NRBP2: variants seen among roughly 807,000 people sequenced by gnomAD.
NRBP2 encodes the protein nuclear receptor-binding protein 2.
Under a neutral mutation model 74.4 loss-of-function variants are expected in NRBP2, and 47 were observed. The observed-to-expected ratio is 0.63, with a 90% CI of 0.50 to 0.81. NRBP2 has a LOEUF of 0.81. Among genes scored for constraint, NRBP2 ranks in the 30% least tolerant of loss-of-function variants. The pLI is 0.00. For synonymous variants in NRBP2, 312 were observed against 273.8 expected (o/e 1.14, Z -1.38); for missense variants, 613 against 690.1 (o/e 0.89, Z 1.25).
At chr8:143,838,028 A>T (rs1671900265) in intron 10 of NRBP2, 5 of 678,846 alleles carry the variant, frequency 7.4e-6, no homozygotes, top group Non-Finnish European at 5.4e-6. Context: ...TCCTAAAGTC[A>T]CACCTGCAAG....
At chr8:143,836,959 C>T in intron 14 of NRBP2, 80 bp downstream of exon 14, 1 of 1,500,926 alleles carries the variant, frequency 6.7e-7, no homozygotes, top group Non-Finnish European at 9.1e-7. Context: ...GATGCAGGCC[C>T]TAAGAGAAGG....
In NRBP2 at chr8:143,840,489, T is replaced by C. The variant is rs1818645785; in HGVS notation, c.129+217A>G. On this transcript the variant is annotated intron_variant, in intron 1 of 17. Transcript: ENST00000442628. The surrounding 1 kb of genome is among the most constrained non-coding windows in gnomAD (Gnocchi z 5.7). The stretch of plus-strand genomic sequence containing the variant: ...AAGCTAGCGGCTGAGTCCAGAGGCA[T>C]GGGGAGGTGGTCCTGGGAGGAGACT... The C allele has an allele frequency of 1.5e-6, 1 of 653,956 alleles. No individual in the cohort carries two copies. Among genetic ancestry groups the C allele is most frequent in the Non-Finnish European group, 2.6e-6 (1 of 391,190 alleles). The allele number at this position is 653,956 out of a possible 1,614,324, so 40.5% of individuals were successfully genotyped here.
chr8:143,840,537 G>A lies in NRBP2; in HGVS notation c.129+169C>T, dbSNP rs1302035248. 1.4e-6 allele frequency: 1 copy of A among 718,898 alleles called. No homozygotes were observed. The highest frequency in any genetic ancestry group is 2.2e-6 in the Non-Finnish European group (1 of 455,794). 44.5% of individuals were successfully genotyped at this position (718,898 alleles called of 1,614,324 possible). ...ACTGGCCCTCAGGGAGTCCCAGGGC[G>A]AGCGCCAGGCCAAAGGGGTCCAGGG... On this transcript the variant is annotated intron_variant, in intron 1 of 17. Transcript: ENST00000442628. This position sits in a 1 kb window ranked among gnomAD's most constrained non-coding sequence, Gnocchi z 5.7.
rs909825683 is a variant in NRBP2 at position 143,835,296 on chromosome 8, C to T, written c.*366G>A. 2.2e-5 allele frequency: 8 copies of T among 367,268 alleles called. No individual in the cohort carries two copies. Among genetic ancestry groups the T allele is most frequent in the Non-Finnish European group, 4.1e-5 (8 of 196,856 alleles). The allele number at this position is 367,268 out of a possible 1,614,324, so 22.8% of individuals were successfully genotyped here. Reference sequence around the variant, plus strand: ...GAGGTCTGTCCAGGGCTGACCCTCACCCCCAAGCCCCAGAGCTGGGGTTCC... The same window carrying T: ...GAGGTCTGTCCAGGGCTGACCCTCATCCCCAAGCCCCAGAGCTGGGGTTCC... On this transcript the variant is annotated 3_prime_UTR_variant, in exon 18 of 18. Transcript: ENST00000442628. This position sits in a 1 kb window ranked among gnomAD's most constrained non-coding sequence, Gnocchi z 4.9.
chr8:143,832,245 A>T (rs1818191114), downstream of NRBP2, among the ~76,000 whole-genome samples: 1 of 150,654 alleles, frequency 6.6e-6, no homozygotes, highest in Non-Finnish European at 1.5e-5. Flanking sequence ...AGTCATCACC[A>T]CTCCCTAATC....
intron 8 of NRBP2, 34 bp from the exon 9 acceptor site, chr8:143,838,972 G>A (rs781875622): frequency 2.5e-6 from 4 of 1,576,564 alleles, no homozygotes; most frequent in Admixed American, 1.8e-5. Flanking sequence ...ACGTAGGAGA[G>A]AAGCGCAGGG....
Position 143,835,392 on chromosome 8 carries a change from C to T in NRBP2, c.*270G>A, listed in dbSNP as rs1002395894. The T allele has an allele frequency of 9.9e-5, 56 of 566,158 alleles. No homozygotes were observed. The highest frequency in any genetic ancestry group is 1.3e-4 in the Non-Finnish European group (43 of 319,438). 35.1% of individuals were successfully genotyped at this position (566,158 alleles called of 1,614,324 possible). On this transcript the variant is annotated 3_prime_UTR_variant, in exon 18 of 18. Transcript: ENST00000442628. The surrounding 1 kb of genome is among the most constrained non-coding windows in gnomAD (Gnocchi z 4.9). ...AGGCAGCCTGGGTAGGAACTCAGGG[C>T]GGAGAATGGAGGATATGGGAAGGGG... is the stretch of plus-strand genomic sequence containing the variant.
chr8:143,840,683 C>CG lies in NRBP2; in HGVS notation c.129+22dup, dbSNP rs782239951. 6.8e-7 allele frequency: 1 copy of CG among 1,467,222 alleles called. No homozygotes were observed. The highest frequency in any genetic ancestry group is 1.3e-5 in the South Asian group (1 of 76,366). The allele number at this position is 1,467,222 out of a possible 1,614,324, so 90.9% of individuals were successfully genotyped here. On this transcript the variant is annotated intron_variant, in intron 1 of 17. Transcript: ENST00000442628. This position sits in a 1 kb window ranked among gnomAD's most constrained non-coding sequence, Gnocchi z 5.7. ...CCGCTCTGGGAGGGCGGTGTCACCCCGTGCCCCAACCCCCGCGCCCACCTG... is the reference window on the plus strand; with the variant it reads ...CCGCTCTGGGAGGGCGGTGTCACCCCGGTGCCCCAACCCCCGCGCCCACCTG...
rs782534837 is a variant in NRBP2 at position 143,838,744 on chromosome 8, T to A, written c.776A>T (p.Asp259Val). 3 of 1,613,194 alleles carry A rather than the reference T, an allele frequency of 1.9e-6. No individual in the cohort carries two copies. The highest frequency in any genetic ancestry group is 2.5e-6 in the Non-Finnish European group (3 of 1,179,702). ...AATGGCCTCCTCTGTGACCCGGGTG[T>A]CCCCATTGGTCTGGATTTCCAGTAC... ...MAVLEIQTNG[D>V]TRVTEEAIAR... Residue 259 changes from aspartate to valine, a missense_variant, in exon 10 of 18, where the codon GAC becomes GTC. Physicochemically the swap from Asp to Val is radical, Grantham distance 152 (BLOSUM62 -3). Transcript: ENST00000442628.
chr8:143,840,959 C>T lies in NRBP2; in HGVS notation c.-125G>A. On this transcript the variant is annotated 5_prime_UTR_variant, in exon 1 of 18. Coordinates refer to ENST00000442628, the MANE Select transcript of NRBP2 (RefSeq NM_178564.4). The surrounding 1 kb of genome is among the most constrained non-coding windows in gnomAD (Gnocchi z 5.7). ...CGCCGCGGCAGCCTAGAGCCCCAGC[C>T]CCGGCTCTGGGAATTGGGAGGCGCG... The T allele has an allele frequency of 1.8e-6, 2 of 1,131,182 alleles. No individual in the cohort carries two copies. The highest frequency in any genetic ancestry group is 2.2e-6 in the Non-Finnish European group (2 of 924,056). 70.1% of individuals were successfully genotyped at this position (1,131,182 alleles called of 1,614,324 possible).
rs782063840 is a variant in NRBP2 at position 143,835,899 on chromosome 8, G to C, written c.1382-24C>G. 7 of 1,598,516 alleles carry C rather than the reference G, an allele frequency of 4.4e-6. No individual in the cohort carries two copies. Among genetic ancestry groups the C allele is most frequent in the Middle Eastern group, 1.7e-4 (1 of 6,046 alleles). On this transcript the variant is annotated intron_variant, in intron 16 of 17. Transcript: ENST00000442628. This position sits in a 1 kb window ranked among gnomAD's most constrained non-coding sequence, Gnocchi z 4.9. ...CGCTGAGGCAATGGCGTAAGGCGAG[G>C]CATGAGGCCGCTGCCCACCCGCCGC... is the stretch of plus-strand genomic sequence containing the variant.
At chr8:143,831,002 T>TA (rs1177442093), downstream of NRBP2, among the ~76,000 whole-genome samples, 7 of 152,180 alleles carry the variant, frequency 4.6e-5, no homozygotes, top group Admixed American at 4.6e-4. Context: ...TGGGTGCTCT[T>TA]AGGGCTAGCC....
In NRBP2 at chr8:143,838,953, G is replaced by A. The variant is rs782088191; in HGVS notation, c.689-15C>T. ...ATCGGCCACCTCTGAACAGAAGAGA[G>A]CACAGGACACGTAGGAGAGAAGCGC... On this transcript the variant is annotated splice_polypyrimidine_tract_variant and intron_variant, in intron 8 of 17. Coordinates refer to ENST00000442628, the MANE Select transcript of NRBP2 (RefSeq NM_178564.4). 1.3e-6 allele frequency: 2 copies of A among 1,597,156 alleles called. No individual in the cohort carries two copies. Among genetic ancestry groups the A allele is most frequent in the Admixed American group, 1.7e-5 (1 of 57,790 alleles).
downstream of NRBP2, chr8:143,833,430 C>A (rs530831762): frequency 1.3e-5 from 2 of 152,266 alleles, no homozygotes; most frequent in East Asian, 3.9e-4. Flanking sequence ...AATGATGCCG[C>A]CAGGAGACTG....
chr8:143,840,146 C>T lies in NRBP2; in HGVS notation c.213G>A (p.Glu71=), dbSNP rs1554653365. 2.6e-6 allele frequency: 4 copies of T among 1,536,190 alleles called. No homozygotes were observed. The highest frequency in any genetic ancestry group is 2.6e-6 in the Non-Finnish European group (3 of 1,146,910). The stretch of plus-strand genomic sequence containing the variant: ...AGGCCTTCCTGTCTCCGAAGTGGAG[C>T]TCGTTCCACACCACCTCTACCCCCT... The part of the protein sequence containing the change: ...TEEGVEVVWN[E]LHFGDRKAFA... Residue 71 remains glutamate (E), a synonymous_variant, in exon 2 of 18, where the codon GAG becomes GAA. Transcript: ENST00000442628. This position sits in a 1 kb window ranked among gnomAD's most constrained non-coding sequence, Gnocchi z 5.7.
In NRBP2 at chr8:143,837,774, A is replaced by G. The variant is rs1554652358; in HGVS notation, c.841-19T>C. 2.6e-6 allele frequency: 4 copies of G among 1,555,548 alleles called. No individual in the cohort carries two copies. In the Admixed American group the frequency reaches 7.8e-5, roughly 30 times the overall value. The stretch of plus-strand genomic sequence containing the variant: ...TGAACTCCTGGGGCACAGGGAGGAG[A>G]GGCTGGTGGTGTGCAAGGGCTCTCT... On this transcript the variant is annotated intron_variant, in intron 10 of 17. Transcript: ENST00000442628. This position sits in a 1 kb window ranked among gnomAD's most constrained non-coding sequence, Gnocchi z 4.3.
At chr8:143,836,205 C>G (rs1196161941) in intron 14 of NRBP2, 25 bp from the exon 15 acceptor site, 9 of 1,519,704 alleles carry the variant, frequency 5.9e-6, no homozygotes, top group African/African-American at 2.9e-5. Flanking sequence ...GGCTGGGACT[C>G]ACAAACCCAG....
chr8:143,838,890 G>A lies in NRBP2; in HGVS notation c.737C>T (p.Ala246Val), dbSNP rs375951915. 31 of 1,612,648 alleles carry A rather than the reference G, an allele frequency of 1.9e-5. No homozygotes were observed. In the African/African-American group the frequency reaches 2.4e-4, roughly 13 times the overall value. ...GGAGGGCGGGGGCAGTACCTCCAGC[G>A]CACACATCCCAAAGGAGAAGATGTC... The part of the protein sequence containing the change: ...AVDIFSFGMC[A>V]LEMAVLEIQT... The change falls in exon 9 of 18, where the codon GCG becomes GTG. Residue 246 changes from alanine to valine, a missense_variant. By Grantham distance (64) the Ala-to-Val change is moderately conservative (BLOSUM62 0). This residue lies in a region of NRBP2 where 332 missense variants were observed against 429.2 expected (regional missense o/e 0.77). Transcript: ENST00000442628.
In NRBP2 at chr8:143,839,589, A is replaced by T. The variant is rs1563864563; in HGVS notation, c.445-40T>A. The T allele has an allele frequency of 1.3e-6, 2 of 1,519,544 alleles. No homozygotes were observed. Among genetic ancestry groups the T allele is most frequent in the Non-Finnish European group, 1.8e-6 (2 of 1,139,572 alleles). 94.1% of individuals were successfully genotyped at this position (1,519,544 alleles called of 1,614,324 possible). On this transcript the variant is annotated intron_variant, in intron 4 of 17. Coordinates refer to ENST00000442628, the MANE Select transcript of NRBP2 (RefSeq NM_178564.4). This position sits in a 1 kb window ranked among gnomAD's most constrained non-coding sequence, Gnocchi z 5.1. ...ACGACTCCGTCGGTCGGGTGGGCGC[A>T]GGAGAGGCGGCTGGGCCTGCGGAGC...
Sources: allele counts gnomAD v4.1 joint callset (sites outside exome capture counted in the v4.1 genomes callset), GRCh38; gene constraint gnomAD v4.1.1; regional missense constraint gnomAD v4.1.1; non-coding constraint Gnocchi (gnomAD v3.1); transcripts MANE v1.5; gene names NCBI Gene and HGNC (gene_info 2026-07-23, HGNC 2026-07-21).